TRMT10B: variants seen among roughly 807,000 people sequenced by gnomAD.
The protein encoded by TRMT10B is tRNA methyltransferase 10 homolog B.
In TRMT10B, 33 loss-of-function variants were observed where a neutral mutation model predicts 43.8. The ratio of observed to expected loss-of-function variants is 0.75; its 90% CI spans 0.57 to 1.01. The LOEUF (loss-of-function observed/expected upper bound fraction) is 1.01. TRMT10B is among the 50% of genes least tolerant of loss of function. TRMT10B has a pLI of 0.00. For synonymous variants in TRMT10B, 137 were observed against 130.6 expected (o/e 1.05, Z -0.34); for missense variants, 362 against 369.8 (o/e 0.98, Z 0.17).
At position 37,756,753 on chromosome 9, in the gene TRMT10B, C is replaced by T. The variant is rs375100831; in HGVS notation, c.-30+2901C>T. On this transcript the variant is annotated intron_variant, in intron 1 of 8. Transcript: ENST00000297994. ...ATATATATATATATACACACACACA[C>T]ATATATATATACACATATATACATA... 3.0e-3 allele frequency among the ~76,000 whole-genome samples: 445 copies of T among 150,844 alleles called. 2 individuals are homozygous for T. In the Middle Eastern group the frequency reaches 0.031, roughly 10 times the overall value.
chr9:37,778,768 C>T lies in TRMT10B; in HGVS notation c.*1061C>T. On this transcript the variant is annotated 3_prime_UTR_variant, in exon 9 of 9. Coordinates refer to ENST00000297994, the MANE Select transcript of TRMT10B (RefSeq NM_144964.4). ...TGTTCTGACCTATCCCTACTGAGTCCCCATAGCATTTTGTTCCCTCCTGTG... is the reference window on the plus strand; with the variant it reads ...TGTTCTGACCTATCCCTACTGAGTCTCCATAGCATTTTGTTCCCTCCTGTG... 1 of 152,252 alleles carries T rather than the reference C, an allele frequency of 6.6e-6. No individual in the cohort carries two copies. 9.4% of individuals were successfully genotyped at this position (152,252 alleles called of 1,614,324 possible). A position where few individuals can be genotyped will look rare whatever the true frequency, so the allele number is the denominator to read the frequency against.
intron 4 of TRMT10B, among the ~76,000 whole-genome samples, chr9:37,764,612 C>T (rs183205428): frequency 5.9e-5 from 9 of 151,866 alleles, no homozygotes; most frequent in Admixed American, 3.3e-4. Context: ...TTAGTAGAGA[C>T]GGGATTTTGC....
chr9:37,762,743 C>T, intron 3 of TRMT10B, 58 bp downstream of exon 3: 2 of 1,510,944 alleles, frequency 1.3e-6, no homozygotes, highest in Non-Finnish European at 1.8e-6. Flanking sequence ...AACGTGTCTG[C>T]ATGTTCCAAT....
chr9:37,768,303 T>A lies in TRMT10B; in HGVS notation c.573+75T>A. 4 of 1,441,974 alleles carry A rather than the reference T, an allele frequency of 2.8e-6. No individual in the cohort carries two copies. The South Asian group carries it at 5.4e-5, about 20-fold the overall frequency. 89.3% of individuals were successfully genotyped at this position (1,441,974 alleles called of 1,614,324 possible). A position where few individuals can be genotyped will look rare whatever the true frequency, so the allele number is the denominator to read the frequency against. On this transcript the variant is annotated intron_variant, in intron 5 of 8. Transcript: ENST00000297994. Reference sequence around the variant, plus strand: ...TGGTTAATAGTATTTTTTTTTTACTTTTTCATATATGTTACATTTTCAGTA... The same window carrying A: ...TGGTTAATAGTATTTTTTTTTTACTATTTCATATATGTTACATTTTCAGTA...
intron 4 of TRMT10B, among the ~76,000 whole-genome samples, chr9:37,766,385 T>C (rs1263762282): frequency 6.6e-6 from 1 of 152,224 alleles, no homozygotes; most frequent in African/African-American, 2.4e-5. Context: ...GATTAGATAG[T>C]TGTAGATATA....
At chr9:37,763,136 T>C in intron 3 of TRMT10B, among the ~76,000 whole-genome samples, 1 of 118,130 alleles carries the variant, frequency 8.5e-6, no homozygotes, top group Non-Finnish European at 1.7e-5. Flanking sequence ...AGAGTGAGAC[T>C]CTGTCTCAAA....
intron 1 of TRMT10B, among the ~76,000 whole-genome samples, chr9:37,756,385 A>G (rs1465333043): frequency 1.3e-5 from 2 of 150,596 alleles, no homozygotes; most frequent in Non-Finnish European, 3.0e-5. Flanking sequence ...GAACTGTCAT[A>G]ATGGGGGTCT....
At chr9:37,763,160 AAAAAAC>A (rs1563991531) in intron 3 of TRMT10B, among the ~76,000 whole-genome samples, 7 of 127,944 alleles carry the variant, frequency 5.5e-5, no homozygotes, top group Admixed American at 1.8e-4. Context: ...AAAAAAAAAA[AAAAAAC>A]AAAAAAAAAA....
chr9:37,776,904 A>AC (rs1564007430), intron 8 of TRMT10B, among the ~76,000 whole-genome samples: 1 of 148,458 alleles, frequency 6.7e-6, no homozygotes, highest in African/African-American at 2.5e-5. Context: ...CTCAAAAACA[A>AC]AAAAAAAAGC....
intron 1 of TRMT10B, among the ~76,000 whole-genome samples, chr9:37,758,649 A>G (rs1825970738): frequency 6.6e-6 from 1 of 152,214 alleles, no homozygotes; most frequent in Non-Finnish European, 1.5e-5. Context: ...TAGAAGTTTT[A>G]AAATATTCTT....
chr9:37,754,562 C>T (rs1240400612), intron 1 of TRMT10B, among the ~76,000 whole-genome samples: 1 of 152,010 alleles, frequency 6.6e-6, no homozygotes, highest in African/African-American at 2.4e-5. Flanking sequence ...TCACAGGGCT[C>T]GGGTACTGAG....
chr9:37,761,852 C>T (rs1171558429), intron 1 of TRMT10B, 51 bp from the exon 2 acceptor site: 18 of 1,291,516 alleles, frequency 1.4e-5, no homozygotes, highest in Non-Finnish European at 1.8e-5. Flanking sequence ...TAGGGAGATA[C>T]CTATGTTAGT....
chr9:37,753,048 C>T (rs113021087), upstream of TRMT10B, among the ~76,000 whole-genome samples: 2,551 of 149,868 alleles, frequency 0.017, 69 homozygotes, highest in African/African-American at 0.059. Flanking sequence ...TTTCTTGAGG[C>T]CCGTGTGACC....
chr9:37,757,778 C>G (rs945498819), intron 1 of TRMT10B, among the ~76,000 whole-genome samples: 2 of 152,196 alleles, frequency 1.3e-5, no homozygotes, highest in African/African-American at 4.8e-5. Context: ...CTAATTCTTG[C>G]AACAATCCTG....
chr9:37,763,813 A>C, intron 4 of TRMT10B, 60 bp downstream of exon 4: 1 of 1,611,392 alleles, frequency 6.2e-7, no homozygotes, highest in Non-Finnish European at 8.5e-7. Flanking sequence ...AGAAGGGTAC[A>C]GCTTTCCGAA....
chr9:37,764,875 G>C (rs1281173653), intron 4 of TRMT10B, among the ~76,000 whole-genome samples: 1 of 152,122 alleles, frequency 6.6e-6, no homozygotes, highest in African/African-American at 2.4e-5. Flanking sequence ...TTACAGCCCA[G>C]GGGAGGAAGA....
intron 1 of TRMT10B, among the ~76,000 whole-genome samples, chr9:37,759,058 T>G (rs1284251269): frequency 6.6e-6 from 1 of 152,206 alleles, no homozygotes. Context: ...TGACAGGCAG[T>G]GTAAAATGGT....
chr9:37,763,720 C>A lies in TRMT10B; in HGVS notation c.387C>A (p.Ile129=). 6.2e-6 allele frequency: 10 copies of A among 1,614,054 alleles called. No homozygotes were observed. Among genetic ancestry groups the A allele is most frequent in the Non-Finnish European group, 8.5e-6 (10 of 1,179,990 alleles). ...AACACTCAGGACCAAGACTATGTAT[C>A]GATTTGAGTATGACCCACTACATGT... The part of the protein sequence containing the change: ...EAKHSGPRLC[I]DLSMTHYMSK... The change falls in exon 4 of 9, where the codon ATC becomes ATA. Residue 129 remains isoleucine (I), a synonymous_variant. Transcript: ENST00000297994.
chr9:37,755,183 A>C (rs1482573528), intron 1 of TRMT10B, among the ~76,000 whole-genome samples: 1 of 151,670 alleles, frequency 6.6e-6, no homozygotes, highest in Non-Finnish European at 1.5e-5. Flanking sequence ...GAGGCAGGAG[A>C]ATGCGTGAAC....
Sources: allele counts gnomAD v4.1 joint callset (sites outside exome capture counted in the v4.1 genomes callset), GRCh38; gene constraint gnomAD v4.1.1; transcripts MANE v1.5; gene names NCBI Gene and HGNC (gene_info 2026-07-23, HGNC 2026-07-21).